SRRM4: variants seen among roughly 807,000 people sequenced by gnomAD.
SRRM4 encodes serine/arginine repetitive matrix 4.
In SRRM4, 33 loss-of-function variants were observed where a neutral mutation model predicts 68.9. That is an observed-to-expected ratio of 0.48 (90% CI 0.36 to 0.64). SRRM4 has a LOEUF of 0.64. Among genes scored for constraint, SRRM4 ranks in the 30% least tolerant of loss-of-function variants. SRRM4 has a pLI of 0.00. For missense variants in SRRM4, 817 were observed against 827.1 expected, an observed-to-expected ratio of 0.99 and a Z score of 0.15; for synonymous variants, 318 against 318.8, an observed-to-expected ratio of 1.00 and a Z score of 0.03.
intron 1 of SRRM4, among the ~76,000 whole-genome samples, chr12:119,023,459 C>A (rs899431902): frequency 6.6e-6 from 1 of 152,136 alleles, no homozygotes; most frequent in Non-Finnish European, 1.5e-5. Flanking sequence ...TTCCTTTGAT[C>A]CCTATCAAGA....
chr12:118,998,354 T>C (rs1291034537), intron 1 of SRRM4, among the ~76,000 whole-genome samples: 1 of 148,834 alleles, frequency 6.7e-6, no homozygotes, highest in East Asian at 2.0e-4. Context: ...TGGAGCACTG[T>C]ATTGAGATGG....
intron 1 of SRRM4, among the ~76,000 whole-genome samples, chr12:119,075,814 AACGGTG>A (rs1953908738): frequency 1.3e-5 from 1 of 79,054 alleles, no homozygotes; most frequent in Non-Finnish European, 2.6e-5. Flanking sequence ...TGGTGATGAT[AACGGTG>A]ATGATGGTGA....
chr12:119,014,204 CT>C (rs200355799), intron 1 of SRRM4, among the ~76,000 whole-genome samples: 3 of 151,676 alleles, frequency 2.0e-5, no homozygotes, highest in African/African-American at 7.3e-5. Flanking sequence ...TTTGATTATT[CT>C]TTTTTTTAAT....
At chr12:119,084,277 C>A (rs1226823361) in intron 1 of SRRM4, among the ~76,000 whole-genome samples, 2 of 152,244 alleles carry the variant, frequency 1.3e-5, no homozygotes, top group Admixed American at 1.3e-4. Flanking sequence ...ATTCTATTGT[C>A]CTCTGCACCC....
At chr12:119,153,394 C>T in intron 10 of SRRM4, 145 bp from the exon 11 acceptor site, 1 of 604,036 alleles carries the variant, frequency 1.7e-6, no homozygotes. Flanking sequence ...GGCTTTCATT[C>T]TTTGATCGGG....
At position 118,981,876 on chromosome 12, in the gene SRRM4, G is replaced by A. The variant is rs751599648; in HGVS notation, c.-7G>A. Reference sequence around the variant, plus strand: ...GCCCCGGACGCCCCGGCCCCTTTGGGTTGGCGATGGCGAGCGTTCAGCAAG... The same window carrying A: ...GCCCCGGACGCCCCGGCCCCTTTGGATTGGCGATGGCGAGCGTTCAGCAAG... On this transcript the variant is annotated 5_prime_UTR_variant, in exon 1 of 13. Coordinates refer to ENST00000267260, the MANE Select transcript of SRRM4 (RefSeq NM_194286.4). 6.2e-7 allele frequency: 1 copy of A among 1,613,224 alleles called. No homozygotes were observed. The highest frequency in any genetic ancestry group is 8.5e-7 in the Non-Finnish European group (1 of 1,179,550).
At chr12:119,040,272 T>C (rs937442105) in intron 1 of SRRM4, among the ~76,000 whole-genome samples, 2 of 152,130 alleles carry the variant, frequency 1.3e-5, no homozygotes, top group Admixed American at 6.5e-5. Flanking sequence ...TTAGTGGTGA[T>C]TTGTGAGATC....
At chr12:119,021,526 A>T (rs1953515625) in intron 1 of SRRM4, among the ~76,000 whole-genome samples, 1 of 152,218 alleles carries the variant, frequency 6.6e-6, no homozygotes, top group African/African-American at 2.4e-5. Flanking sequence ...GTCTGTGTGC[A>T]CACCAGTGTG....
At chr12:119,066,704 G>A (rs1410758372) in intron 1 of SRRM4, among the ~76,000 whole-genome samples, 3 of 152,218 alleles carry the variant, frequency 2.0e-5, no homozygotes, top group Non-Finnish European at 4.4e-5. Flanking sequence ...TTCACCTGAT[G>A]TTCCTTGTTA....
intron 7 of SRRM4, among the ~76,000 whole-genome samples, chr12:119,127,482 C>T (rs984070893): frequency 4.6e-5 from 7 of 152,040 alleles, no homozygotes; most frequent in African/African-American, 1.7e-4. Context: ...AATCCTAGCA[C>T]TTTGGGGGGC....
At chr12:119,067,444 T>G (rs11611351) in intron 1 of SRRM4, among the ~76,000 whole-genome samples, 33,491 of 152,178 alleles carry the variant, frequency 0.22, 4,578 homozygotes, top group Middle Eastern at 0.41. Context: ...CAGTGTTTCA[T>G]GCCTGTAATC....
chr12:118,984,923 C>A (rs958592102), intron 1 of SRRM4, among the ~76,000 whole-genome samples: 1 of 152,192 alleles, frequency 6.6e-6, no homozygotes, highest in African/African-American at 2.4e-5. Context: ...AATAGTTTTA[C>A]CACACTGAGC....
chr12:118,987,760 T>C (rs1234906812), intron 1 of SRRM4, among the ~76,000 whole-genome samples: 2 of 152,114 alleles, frequency 1.3e-5, no homozygotes, highest in African/African-American at 4.8e-5. Flanking sequence ...AAATGATAGG[T>C]TTTTTCGTTA....
rs1295772635 is a variant in SRRM4, at chr12:119,019,958, C to CA, written c.131+37945_131+37946insA. 4.1e-4 allele frequency among the ~76,000 whole-genome samples: 30 copies of CA among 73,864 alleles called. 1 individual carries two copies. Among genetic ancestry groups the CA allele is most frequent in the Non-Finnish European group, 8.3e-4 (24 of 28,784 alleles). The allele number at this position is 73,864 out of a possible 152,430, so 48.5% of individuals were successfully genotyped here. A position where few individuals can be genotyped will look rare whatever the true frequency, so the allele number is the denominator to read the frequency against. Reference sequence around the variant, plus strand: ...GGACAGTTCCCCCCGCTCCCCCCCCCCCCAAAAAAAAATCACACACATGCA... The same window carrying CA: ...GGACAGTTCCCCCCGCTCCCCCCCCCACCCAAAAAAAAATCACACACATGCA... On this transcript the variant is annotated intron_variant, in intron 1 of 12. Transcript: ENST00000267260.
rs1386712944 is a variant in SRRM4, at chr12:119,153,524, T to A, written c.1281-15T>A. ...CACTCAGCAGGCTCCTCAGAGGCTG[T>A]TACCTCTCCCCCAGGTCCTACTCCC... On this transcript the variant is annotated splice_polypyrimidine_tract_variant and intron_variant, in intron 10 of 12. Transcript: ENST00000267260. 1.3e-6 allele frequency: 2 copies of A among 1,531,936 alleles called. No homozygotes were observed. The highest frequency in any genetic ancestry group is 1.8e-6 in the Non-Finnish European group (2 of 1,127,728). 94.9% of individuals were successfully genotyped at this position (1,531,936 alleles called of 1,614,324 possible). A position where few individuals can be genotyped will look rare whatever the true frequency, so the allele number is the denominator to read the frequency against.
At chr12:119,077,538 C>T (rs534166206) in intron 1 of SRRM4, among the ~76,000 whole-genome samples, 28 of 152,252 alleles carry the variant, frequency 1.8e-4, no homozygotes, top group African/African-American at 6.5e-4. Flanking sequence ...TAGCTTAGCA[C>T]AGTGCTGGGC....
At chr12:119,074,458 C>T (rs1470714092) in intron 1 of SRRM4, among the ~76,000 whole-genome samples, 1 of 152,146 alleles carries the variant, frequency 6.6e-6, no homozygotes, top group African/African-American at 2.4e-5. Context: ...TATTAAGTGC[C>T]TATAAGCCTT....
In SRRM4 at chr12:118,993,536, A is replaced by G. The variant is rs78212871; in HGVS notation, c.131+11523A>G. Among the ~76,000 whole-genome samples, 615 of 152,324 alleles carry G rather than the reference A, an allele frequency of 4.0e-3. 8 individuals are homozygous for G. Among genetic ancestry groups the G allele is most frequent in the African/African-American group, 0.014 (568 of 41,556 alleles). On this transcript the variant is annotated intron_variant, in intron 1 of 12. Transcript: ENST00000267260. ...GAAACACCATGTACCCAATTATGGC[A>G]GGGACCAGACTGAAGGGGAACAGGC...
In SRRM4 at chr12:119,019,495, T is replaced by C. The variant is rs1026757932; in HGVS notation, c.131+37482T>C. On this transcript the variant is annotated intron_variant, in intron 1 of 12. Transcript: ENST00000267260. ...CCTCCACCCACTCACTCCAGCTGTG[T>C]TTGTTTTAATTTTTTGCTCTCAGCC... Among the ~76,000 whole-genome samples, 4 of 152,236 alleles carry C rather than the reference T, an allele frequency of 2.6e-5. No homozygotes were observed. In the South Asian group the frequency reaches 6.2e-4, roughly 24 times the overall value.
Sources: allele counts gnomAD v4.1 joint callset (sites outside exome capture counted in the v4.1 genomes callset), GRCh38; gene constraint gnomAD v4.1.1; transcripts MANE v1.5; gene names NCBI Gene and HGNC (gene_info 2026-07-23, HGNC 2026-07-21).